SLC16A9: variants seen among roughly 807,000 people sequenced by gnomAD.
The protein encoded by SLC16A9 is solute carrier family 16 member 9, also known as monocarboxylate transporter 9.
In SLC16A9, 26 loss-of-function variants were observed where a neutral mutation model predicts 44.3. That is an observed-to-expected ratio of 0.59 (90% CI 0.43 to 0.81). SLC16A9 has a LOEUF of 0.81. Ranked by LOEUF, SLC16A9 falls within the 40% of genes least tolerant of loss-of-function variation. SLC16A9 has a pLI of 0.00. For missense variants in SLC16A9, 559 were observed against 595.8 expected, an observed-to-expected ratio of 0.94 and a Z score of 0.64; for synonymous variants, 230 against 225.1, an observed-to-expected ratio of 1.02 and a Z score of -0.19.
At chr10:59,694,330 A>C (rs1840321156) in intron 1 of SLC16A9, among the ~76,000 whole-genome samples, 1 of 152,192 alleles carries the variant, frequency 6.6e-6, no homozygotes, top group Admixed American at 6.5e-5. Context: ...AGCTACTTTC[A>C]TGTTTCTGAC....
chr10:59,677,077 A>ACACACACACACT (rs1248145290), intron 2 of SLC16A9, among the ~76,000 whole-genome samples: 1 of 151,804 alleles, frequency 6.6e-6, no homozygotes, highest in Non-Finnish European at 1.5e-5. Context: ...ACACACACAC[A>ACACACACACACT]CACTCATACA....
intron 1 of SLC16A9, among the ~76,000 whole-genome samples, chr10:59,686,525 G>A (rs180949463): frequency 1.3e-5 from 2 of 152,210 alleles, no homozygotes; most frequent in African/African-American, 4.8e-5. Context: ...TCATTGTATT[G>A]TATTTTTATA....
intron 4 of SLC16A9, among the ~76,000 whole-genome samples, chr10:59,658,936 T>G (rs1032074920): frequency 2.6e-5 from 4 of 152,202 alleles, no homozygotes; most frequent in African/African-American, 9.7e-5. Context: ...CTGACGTTCT[T>G]CAGGCTATCT....
At chr10:59,670,935 A>G (rs542616229) in intron 3 of SLC16A9, among the ~76,000 whole-genome samples, 92 of 152,350 alleles carry the variant, frequency 6.0e-4, no homozygotes, top group Admixed American at 2.9e-3. Context: ...AGTAACTCAC[A>G]GGTCCCCAAT....
At chr10:59,660,873 C>T (rs900970646) in intron 4 of SLC16A9, among the ~76,000 whole-genome samples, 9 of 152,150 alleles carry the variant, frequency 5.9e-5, no homozygotes, top group African/African-American at 2.2e-4. Flanking sequence ...AAATGTAATC[C>T]ATCACATAAA....
intron 1 of SLC16A9, among the ~76,000 whole-genome samples, chr10:59,690,593 C>T (rs1588989093): frequency 6.6e-6 from 1 of 151,944 alleles, no homozygotes; most frequent in Non-Finnish European, 1.5e-5. Context: ...AGGATAGGCC[C>T]GATAGGTTTG....
chr10:59,699,032 C>G (rs563500984), intron 1 of SLC16A9, among the ~76,000 whole-genome samples: 1 of 152,326 alleles, frequency 6.6e-6, no homozygotes, highest in South Asian at 2.1e-4. Context: ...CACTTTGTCT[C>G]TTAAGCACTG....
chr10:59,680,991 A>ATAATAG (rs1210662110), intron 2 of SLC16A9, among the ~76,000 whole-genome samples: 4 of 151,108 alleles, frequency 2.6e-5, no homozygotes, highest in Non-Finnish European at 4.4e-5. Context: ...TCAAATAATA[A>ATAATAG]TAATAATAAC....
chr10:59,677,839 T>A (rs1276315826), intron 2 of SLC16A9, among the ~76,000 whole-genome samples: 1 of 152,064 alleles, frequency 6.6e-6, no homozygotes, highest in East Asian at 1.9e-4. Context: ...AAACTCAACC[T>A]CCACGCACTT....
At chr10:59,706,999 C>CAAA (rs760131923) in intron 1 of SLC16A9, among the ~76,000 whole-genome samples, 1 of 90,512 alleles carries the variant, frequency 1.1e-5, no homozygotes, top group African/African-American at 4.3e-5. Flanking sequence ...AACTCCATCT[C>CAAA]AAAAAAAAAA....
At chr10:59,662,633 C>CAAAAAAAAAAAAAAAAAAAAAAA (rs71006278) in intron 4 of SLC16A9, among the ~76,000 whole-genome samples, 1 of 43,630 alleles carries the variant, frequency 2.3e-5, no homozygotes, top group Admixed American at 3.2e-4. Flanking sequence ...AACTCCATCT[C>CAAAAAAAAAAAAAAAAAAAAAAA]AAAAAAAAAA....
chr10:59,662,644 A>AAAAAAAAAG (rs1554867780), intron 4 of SLC16A9, among the ~76,000 whole-genome samples: 1,796 of 144,072 alleles, frequency 0.012, 41 homozygotes, highest in African/African-American at 0.047. Context: ...AAAAAAAAAA[A>AAAAAAAAAG]AAAAAAAAAG....
intron 1 of SLC16A9, among the ~76,000 whole-genome samples, chr10:59,685,272 CTTAT>C (rs755522365): frequency 6.6e-6 from 1 of 152,048 alleles, no homozygotes; most frequent in Non-Finnish European, 1.5e-5. Context: ...TGTATGCTTG[CTTAT>C]TTATTTACTC....
At chr10:59,685,921 G>A (rs1052553658) in intron 1 of SLC16A9, among the ~76,000 whole-genome samples, 1 of 151,330 alleles carries the variant, frequency 6.6e-6, no homozygotes, top group African/African-American at 2.4e-5. Context: ...TTGGATTTTT[G>A]CAAATTTCTT....
intron 5 of SLC16A9, among the ~76,000 whole-genome samples, chr10:59,653,425 CAAAAAAAA>C (rs562805430): frequency 4.1e-4 from 15 of 36,774 alleles, no homozygotes; most frequent in African/African-American, 8.3e-4. Context: ...AACTCCGTCT[CAAAAAAAA>C]AAAAAAAAAA....
intron 4 of SLC16A9, among the ~76,000 whole-genome samples, chr10:59,655,059 A>AG (rs1839319020): frequency 6.6e-6 from 1 of 152,164 alleles, no homozygotes; most frequent in Non-Finnish European, 1.5e-5. Flanking sequence ...TGGGAGGCTG[A>AG]GGTGGGTGGA....
intron 1 of SLC16A9, among the ~76,000 whole-genome samples, chr10:59,685,183 C>T (rs1419033518): frequency 1.3e-5 from 2 of 152,166 alleles, no homozygotes; most frequent in Non-Finnish European, 1.5e-5. Context: ...CACATAACAT[C>T]CTGAGAGATT....
intron 3 of SLC16A9, among the ~76,000 whole-genome samples, chr10:59,671,649 C>T (rs11006682): frequency 0.28 from 42,408 of 152,074 alleles, 7,015 homozygotes; most frequent in Middle Eastern, 0.4. Context: ...TTCCCTACAA[C>T]GCCATCATAG....
intron 3 of SLC16A9, among the ~76,000 whole-genome samples, chr10:59,668,327 C>T (rs1345481962): frequency 1.3e-5 from 2 of 152,134 alleles, no homozygotes; most frequent in Admixed American, 6.6e-5. Flanking sequence ...TTCTATCTTG[C>T]GCCTCTGAGT....
Sources: gnomAD v4.1 joint callset for allele counts (sites outside exome capture counted in the v4.1 genomes callset) on GRCh38, gnomAD v4.1.1 for gene constraint, MANE v1.5 for transcripts, NCBI Gene and HGNC (gene_info 2026-07-23, HGNC 2026-07-21) for gene names.